Variants in ASAP1 observed in about 807,000 individuals in gnomAD.
The protein encoded by ASAP1 is arf-GAP with SH3 domain, ANK repeat and PH domain-containing protein 1.
ASAP1 carries 43 observed loss-of-function variants against 145.2 expected under a neutral mutation model. That is an observed-to-expected ratio of 0.30 (90% CI 0.23 to 0.38). The LOEUF (loss-of-function observed/expected upper bound fraction) is 0.38. Among genes scored for constraint, ASAP1 ranks in the 10% least tolerant of loss-of-function variants. ASAP1 has a pLI of 1.00. For synonymous variants in ASAP1, 546 were observed against 515.5 expected (o/e 1.06, Z -0.80); for missense variants, 1,018 against 1,355.3 (o/e 0.75, Z 3.91).
At chr8:130,295,169 G>C (rs1822188755) in intron 3 of ASAP1, among the ~76,000 whole-genome samples, 1 of 152,014 alleles carries the variant, frequency 6.6e-6, no homozygotes, top group African/African-American at 2.4e-5. Context: ...TGGAGTCCTA[G>C]CTACTTGGGA....
intron 25 of ASAP1, among the ~76,000 whole-genome samples, chr8:130,089,496 G>A (rs773866266): frequency 7.2e-5 from 11 of 152,312 alleles, no homozygotes; most frequent in East Asian, 3.9e-4. Context: ...ACATAAGAGC[G>A]TTGGAAAGGT....
At chr8:130,415,940 T>C (rs1055796774) in intron 1 of ASAP1, among the ~76,000 whole-genome samples, 5 of 152,074 alleles carry the variant, frequency 3.3e-5, no homozygotes, top group African/African-American at 1.2e-4. Context: ...TGAAAATCCA[T>C]CTCCATTTCT....
At chr8:130,395,952 C>T (rs1178384657) in intron 2 of ASAP1, among the ~76,000 whole-genome samples, 1 of 152,172 alleles carries the variant, frequency 6.6e-6, no homozygotes, top group East Asian at 1.9e-4. Flanking sequence ...AGGTGTGAGC[C>T]ACCGCGCCTG....
At chr8:130,253,434 G>T (rs961090025) in intron 3 of ASAP1, among the ~76,000 whole-genome samples, 1 of 152,134 alleles carries the variant, frequency 6.6e-6, no homozygotes, top group South Asian at 2.1e-4. Flanking sequence ...TTTCCCCAAA[G>T]TTCCCAACAG....
intron 28 of ASAP1, 35 bp from the exon 29 acceptor site, chr8:130,058,111 T>A: frequency 6.2e-7 from 1 of 1,604,264 alleles, no homozygotes; most frequent in Non-Finnish European, 8.5e-7. Context: ...ATTGAAAGAA[T>A]GGACTGAATG....
intron 9 of ASAP1, among the ~76,000 whole-genome samples, chr8:130,175,788 A>ACTTCTTG (rs1813909396): frequency 6.6e-6 from 1 of 152,170 alleles, no homozygotes; most frequent in African/African-American, 2.4e-5. Flanking sequence ...CTGAGCTACA[A>ACTTCTTG]CTTCTTGAGT....
intron 3 of ASAP1, among the ~76,000 whole-genome samples, chr8:130,329,988 A>G (rs757524819): frequency 1.3e-5 from 2 of 152,252 alleles, no homozygotes; most frequent in Non-Finnish European, 2.9e-5. Flanking sequence ...GTTTGATGTT[A>G]CAGCTAGTGT....
chr8:130,152,864 C>T (rs1586456731), intron 12 of ASAP1, 59 bp from the exon 13 acceptor site: 16 of 1,292,786 alleles, frequency 1.2e-5, no homozygotes, highest in East Asian at 9.4e-5. Context: ...GGACATGCGA[C>T]GATACAGTAT....
chr8:130,320,728 A>AAT (rs1823953364), intron 3 of ASAP1, among the ~76,000 whole-genome samples: 1 of 152,158 alleles, frequency 6.6e-6, no homozygotes, highest in Non-Finnish European at 1.5e-5. Flanking sequence ...CACATTAAAA[A>AAT]AAAATGGAGA....
rs56035628 is a variant in ASAP1 at position 130,256,121 on chromosome 8, C to T, written c.187-19127G>A. 2.9e-3 allele frequency among the ~76,000 whole-genome samples: 436 copies of T among 152,292 alleles called. 2 individuals are homozygous for T. The highest frequency in any genetic ancestry group is 8.8e-3 in the African/African-American group (366 of 41,570). ...AGGAAGACAGGGATGAGGTACCAAC[C>T]TTTGCCCTGAAGCACTAATGAACAT... is the stretch of plus-strand genomic sequence containing the variant. On this transcript the variant is annotated intron_variant, in intron 3 of 29. Transcript: ENST00000518721.
At chr8:130,300,184 AGAGC>A (rs1554876475) in intron 3 of ASAP1, among the ~76,000 whole-genome samples, 12 of 140,284 alleles carry the variant, frequency 8.6e-5, no homozygotes, top group Admixed American at 1.4e-4. Context: ...AGAGAGAGAG[AGAGC>A]GAGCGAGCGA....
intron 4 of ASAP1, among the ~76,000 whole-genome samples, chr8:130,231,474 G>A (rs1323775021): frequency 6.6e-6 from 1 of 152,096 alleles, no homozygotes; most frequent in Non-Finnish European, 1.5e-5. Context: ...GGGGCACCAT[G>A]TGTTACCAAT....
rs147958990 is a variant in ASAP1, at chr8:130,431,572, G to A, written c.-28+11888C>T. Among the ~76,000 whole-genome samples the A allele has an allele frequency of 2.2e-4, 33 of 151,970 alleles. No individual in the cohort carries two copies. In the East Asian group the frequency reaches 4.5e-3, roughly 21 times the overall value. ...GGTTCCTATTCGTTATTTAAGATTC[G>A]GCTCAAGGATTACACCTTGTAACAA... On this transcript the variant is annotated intron_variant, in intron 1 of 29. Transcript: ENST00000518721.
intron 12 of ASAP1, among the ~76,000 whole-genome samples, chr8:130,153,024 A>C (rs995282998): frequency 5.4e-5 from 8 of 149,166 alleles, no homozygotes; most frequent in Non-Finnish European, 1.5e-5. Context: ...CTGCTTTTTA[A>C]TTTTTTTTTT....
chr8:130,074,440 AACACACAC>A (rs57005471), intron 27 of ASAP1, among the ~76,000 whole-genome samples: 1,304 of 119,314 alleles, frequency 0.011, 21 homozygotes, highest in African/African-American at 0.032. Context: ...CCAAATAGTA[AACACACAC>A]ACACACACAC....
intron 29 of ASAP1, among the ~76,000 whole-genome samples, chr8:130,056,520 A>G (rs2097404569): frequency 6.6e-6 from 1 of 152,204 alleles, no homozygotes; most frequent in Non-Finnish European, 1.5e-5. Context: ...AGGTCCTGAC[A>G]ATCAATATTT....
intron 1 of ASAP1, among the ~76,000 whole-genome samples, chr8:130,441,258 A>C (rs1830479339): frequency 6.6e-6 from 1 of 152,188 alleles, no homozygotes; most frequent in Non-Finnish European, 1.5e-5. Flanking sequence ...GATAAATCTG[A>C]GATGTGCTGT....
chr8:130,090,201 G>A (rs1245996968), intron 25 of ASAP1, among the ~76,000 whole-genome samples: 1 of 152,168 alleles, frequency 6.6e-6, no homozygotes, highest in African/African-American at 2.4e-5. Context: ...CAGAAATTTG[G>A]TAAATTTATT....
chr8:130,218,706 G>A (rs1459108118), intron 4 of ASAP1, among the ~76,000 whole-genome samples: 2 of 152,112 alleles, frequency 1.3e-5, no homozygotes, highest in African/African-American at 4.8e-5. Flanking sequence ...CACTAGTTCT[G>A]CAAGGGAAGA....
Sources: gnomAD v4.1 joint callset for allele counts (sites outside exome capture counted in the v4.1 genomes callset) on GRCh38, gnomAD v4.1.1 for gene constraint, MANE v1.5 for transcripts, NCBI Gene and HGNC (gene_info 2026-07-23, HGNC 2026-07-21) for gene names.